Variants in RASAL2 observed in about 807,000 individuals in gnomAD.
RASAL2 encodes the protein RAS protein activator like 2, also known as ras GTPase-activating protein nGAP.
RASAL2 carries 58 observed loss-of-function variants against 128.9 expected under a neutral mutation model. The ratio of observed to expected loss-of-function variants is 0.45; its 90% CI spans 0.36 to 0.56. RASAL2 has a LOEUF of 0.56. RASAL2 is among the 20% of genes least tolerant of loss of function. RASAL2 has a pLI of 0.00. For missense variants in RASAL2, 1,360 were observed against 1,601.6 expected (o/e 0.85, Z 2.57); for synonymous variants, 561 against 580.8 (o/e 0.97, Z 0.49).
At chr1:178,332,978 G>A (rs1030709877) in intron 3 of RASAL2, among the ~76,000 whole-genome samples, 8 of 152,004 alleles carry the variant, frequency 5.3e-5, no homozygotes, top group Non-Finnish European at 8.8e-5. Flanking sequence ...AATAGTGGCT[G>A]TTTGAATCTG....
At chr1:178,238,947 T>C (rs1664378531) in intron 1 of RASAL2, among the ~76,000 whole-genome samples, 2 of 152,104 alleles carry the variant, frequency 1.3e-5, no homozygotes, top group African/African-American at 4.8e-5. Flanking sequence ...TCTGGATCTA[T>C]GATTATGAAA....
intron 1 of RASAL2, among the ~76,000 whole-genome samples, chr1:178,102,520 C>A (rs1484693937): frequency 1.3e-5 from 2 of 152,004 alleles, no homozygotes; most frequent in Non-Finnish European, 2.9e-5. Flanking sequence ...CCACACCTGG[C>A]TGAGATAATT....
chr1:178,322,725 G>T (rs1453276846), intron 3 of RASAL2, among the ~76,000 whole-genome samples: 1 of 152,010 alleles, frequency 6.6e-6, no homozygotes, highest in Middle Eastern at 3.2e-3. Flanking sequence ...TCATCTTAGA[G>T]CACTAATTGA....
At position 178,475,151 on chromosome 1, in the gene RASAL2, A is replaced by G. The variant is rs1478898581; in HGVS notation, c.*1912A>G. 1.3e-5 allele frequency: 2 copies of G among 152,142 alleles called. No individual in the cohort carries two copies. The highest frequency in any genetic ancestry group is 2.9e-5 in the Non-Finnish European group (2 of 68,024). The allele number at this position is 152,142 out of a possible 1,614,324, so 9.4% of individuals were successfully genotyped here. A position where few individuals can be genotyped will look rare whatever the true frequency, so the allele number is the denominator to read the frequency against. On this transcript the variant is annotated 3_prime_UTR_variant, in exon 18 of 18. Transcript: ENST00000367649. ...ACCTCACCATGGCCACATAACCCAC[A>G]ACCTTTTAAAACAGTTTCTTTCATA... is the stretch of plus-strand genomic sequence containing the variant.
At chr1:178,200,330 A>G (rs1050357715) in intron 1 of RASAL2, among the ~76,000 whole-genome samples, 9 of 152,178 alleles carry the variant, frequency 5.9e-5, no homozygotes, top group Non-Finnish European at 8.8e-5. Context: ...CTTGGCGTGA[A>G]CTGTTTAGAG....
At chr1:178,429,316 A>G (rs947936945) in intron 5 of RASAL2, among the ~76,000 whole-genome samples, 10 of 152,198 alleles carry the variant, frequency 6.6e-5, no homozygotes, top group Non-Finnish European at 1.2e-4. Flanking sequence ...ATTTCTCATC[A>G]TCTAGATTTC....
intron 1 of RASAL2, among the ~76,000 whole-genome samples, chr1:178,246,771 C>T (rs780028356): frequency 5.9e-5 from 9 of 152,176 alleles, no homozygotes; most frequent in Middle Eastern, 6.8e-3. Flanking sequence ...GAGTTTTTAG[C>T]ATGAAGGGGT....
At position 178,331,583 on chromosome 1, in the gene RASAL2, C is replaced by CTTTTTTT. The variant is rs71731643; in HGVS notation, c.457+31480_457+31486dup. On this transcript the variant is annotated intron_variant, in intron 3 of 17. Coordinates refer to ENST00000367649, the MANE Select transcript of RASAL2 (RefSeq NM_170692.4). ...TTCTTAGAGATGTAACTTCATGCAT[C>CTTTTTTT]TTTTTTTTTTTTTTTTTTTTTGAGA... is the stretch of plus-strand genomic sequence containing the variant. Among the ~76,000 whole-genome samples the CTTTTTTT allele has an allele frequency of 2.5e-4, 28 of 110,218 alleles. 1 individual carries two copies. The highest frequency in any genetic ancestry group is 9.8e-4 in the African/African-American group (26 of 26,568). 72.3% of individuals were successfully genotyped at this position (110,218 alleles called of 152,430 possible). A position where few individuals can be genotyped will look rare whatever the true frequency, so the allele number is the denominator to read the frequency against.
rs558767037 is a variant in RASAL2, at chr1:178,199,833, T to C, written c.203-83731T>C. Among the ~76,000 whole-genome samples the C allele has an allele frequency of 1.5e-3, 234 of 152,300 alleles. 1 individual carries two copies. The highest frequency in any genetic ancestry group is 5.4e-3 in the African/African-American group (224 of 41,564). On this transcript the variant is annotated intron_variant, in intron 1 of 17. Transcript: ENST00000367649. ...GAGATTAACTTTTGAGTCAGTGGAC[T>C]GAGAGAGGCAGACCAACCCTCAATC...
At chr1:178,376,002 A>G in intron 3 of RASAL2, among the ~76,000 whole-genome samples, 1 of 152,228 alleles carries the variant, frequency 6.6e-6, no homozygotes, top group South Asian at 2.1e-4. Flanking sequence ...TCAAGAAAAA[A>G]GAGAGGGCAG....
chr1:178,204,670 C>G lies in RASAL2; in HGVS notation c.203-78894C>G, dbSNP rs549337053. The stretch of plus-strand genomic sequence containing the variant: ...AGCAAAACATTGAAATCTGAAACAC[C>G]CTGACTTTAAGATTTGAGTAAATCC... On this transcript the variant is annotated intron_variant, in intron 1 of 17. Coordinates refer to ENST00000367649, the MANE Select transcript of RASAL2 (RefSeq NM_170692.4). Among the ~76,000 whole-genome samples the G allele has an allele frequency of 4.6e-5, 7 of 152,090 alleles. No homozygotes were observed. The South Asian group carries it at 1.5e-3, about 32-fold the overall frequency.
At chr1:178,301,357 T>TG (rs1164588346) in intron 3 of RASAL2, among the ~76,000 whole-genome samples, 1 of 152,198 alleles carries the variant, frequency 6.6e-6, no homozygotes, top group African/African-American at 2.4e-5. Flanking sequence ...AAGTTCTATG[T>TG]AAATTGAACT....
chr1:178,106,177 A>T (rs1659080139), intron 1 of RASAL2, among the ~76,000 whole-genome samples: 1 of 152,096 alleles, frequency 6.6e-6, no homozygotes, highest in Non-Finnish European at 1.5e-5. Flanking sequence ...AATTTTTTTA[A>T]TGTCATATTT....
intron 2 of RASAL2, among the ~76,000 whole-genome samples, chr1:178,299,501 T>TTTTTTC (rs1427527231): frequency 1.2e-4 from 19 of 152,128 alleles, no homozygotes; most frequent in Non-Finnish European, 2.6e-4. Context: ...TTCAGTTTTC[T>TTTTTTC]TTTTTCTTTT....
chr1:178,094,886 A>G (rs1252771344), intron 1 of RASAL2, among the ~76,000 whole-genome samples, 192 bp downstream of exon 1: 1 of 152,186 alleles, frequency 6.6e-6, no homozygotes, highest in East Asian at 1.9e-4. Context: ...GTCACTCAGT[A>G]TGGTCTTTGG....
chr1:178,191,296 A>G (rs1042368443), intron 1 of RASAL2, among the ~76,000 whole-genome samples: 4 of 152,116 alleles, frequency 2.6e-5, no homozygotes, highest in Non-Finnish European at 5.9e-5. Flanking sequence ...AAAAAATTTC[A>G]GTATGTTGTG....
At chr1:178,465,679 TAGTA>T (rs1647597449) in intron 15 of RASAL2, among the ~76,000 whole-genome samples, 1 of 152,120 alleles carries the variant, frequency 6.6e-6, no homozygotes. Context: ...AATGTAATTT[TAGTA>T]AGGAAGGCAA....
intron 1 of RASAL2, among the ~76,000 whole-genome samples, chr1:178,120,764 A>G (rs1191334486): frequency 6.6e-6 from 1 of 152,234 alleles, no homozygotes; most frequent in Non-Finnish European, 1.5e-5. Context: ...ATCATCAGGC[A>G]TTAGATTCTC....
intron 4 of RASAL2, among the ~76,000 whole-genome samples, chr1:178,407,418 T>A (rs938087276): frequency 1.3e-5 from 2 of 152,214 alleles, no homozygotes; most frequent in Non-Finnish European, 2.9e-5. Context: ...AGGGAATTAT[T>A]TATAGATGAC....
Sources: gnomAD v4.1 joint callset for allele counts (sites outside exome capture counted in the v4.1 genomes callset) on GRCh38, gnomAD v4.1.1 for gene constraint, MANE v1.5 for transcripts, NCBI Gene and HGNC (gene_info 2026-07-23, HGNC 2026-07-21) for gene names.